The following LRRC74A variants were observed in gnomAD, a reference collection of about 807,000 sequenced individuals.
LRRC74A encodes the protein leucine rich repeat containing 74A, also known as leucine-rich repeat-containing protein 74A.
Under a neutral mutation model 57.9 loss-of-function variants are expected in LRRC74A, and 44 were observed. The ratio of observed to expected loss-of-function variants is 0.76; its 90% CI spans 0.60 to 0.98. The LOEUF (loss-of-function observed/expected upper bound fraction) is 0.98, where lower values mean the gene tolerates loss of function less well. LRRC74A is among the 50% of genes least tolerant of loss of function. The pLI is 0.00. For missense variants in LRRC74A, 572 were observed against 574.0 expected, an observed-to-expected ratio of 1.00 and a Z score of 0.04; for synonymous variants, 211 against 219.4, an observed-to-expected ratio of 0.96 and a Z score of 0.34.
chr14:76,869,895 G>A (rs1010182433), intron 13 of LRRC74A, among the ~76,000 whole-genome samples: 1 of 152,138 alleles, frequency 6.6e-6, no homozygotes, highest in Non-Finnish European at 1.5e-5. Flanking sequence ...ACGATCTTAG[G>A]TGCACATGTG....
chr14:76,845,999 CAGA>C (rs1440391214), intron 7 of LRRC74A, among the ~76,000 whole-genome samples: 1 of 152,196 alleles, frequency 6.6e-6, no homozygotes, highest in Non-Finnish European at 1.5e-5. Flanking sequence ...GCCTGGGCAA[CAGA>C]AGGAGACTCC....
chr14:76,864,423 GT>G (rs1442069174), intron 11 of LRRC74A, among the ~76,000 whole-genome samples: 1,748 of 20,624 alleles, frequency 0.085, 4 homozygotes, highest in Middle Eastern at 0.16. Context: ...GGGGGGGGGG[GT>G]GGCGGGGGGA....
rs1450985395 is a variant in LRRC74A at position 76,828,931 on chromosome 14, C to T, written c.166+512C>T. ...CCAGGCCCCTGGAGTGTTTCTGTGG[C>T]CTATCTTGCATCCCAGTGACTTTCC... On this transcript the variant is annotated intron_variant, in intron 2 of 13. Coordinates refer to ENST00000689127, the MANE Select transcript of LRRC74A (RefSeq NM_001385106.1). 3.6e-6 allele frequency: 3 copies of T among 824,854 alleles called. No individual in the cohort carries two copies. In the Admixed American group the frequency reaches 1.9e-4, roughly 51 times the overall value. The allele number at this position is 824,854 out of a possible 1,614,324, so 51.1% of individuals were successfully genotyped here.
In LRRC74A at chr14:76,844,482, A is replaced by T; in HGVS notation, c.594+10A>T. Reference sequence around the variant, plus strand: ...CTGCCAAGCCCTGTCGGTAAGAGGCAGGGAGTGCAGCCAAGCCACGTGGGC... The same window carrying T: ...CTGCCAAGCCCTGTCGGTAAGAGGCTGGGAGTGCAGCCAAGCCACGTGGGC... On this transcript the variant is annotated intron_variant, in intron 6 of 13. Coordinates refer to ENST00000689127, the MANE Select transcript of LRRC74A (RefSeq NM_001385106.1). 1 of 1,610,908 alleles carries T rather than the reference A, an allele frequency of 6.2e-7. No homozygotes were observed. The highest frequency in any genetic ancestry group is 8.5e-7 in the Non-Finnish European group (1 of 1,178,812).
At chr14:76,862,468 C>T (rs983255508) in intron 11 of LRRC74A, among the ~76,000 whole-genome samples, 2 of 151,514 alleles carry the variant, frequency 1.3e-5, no homozygotes, top group African/African-American at 2.4e-5. Context: ...ACCCAGGAGG[C>T]GGAGGCTGCA....
At chr14:76,869,383 G>C (rs1899241868) in intron 13 of LRRC74A, among the ~76,000 whole-genome samples, 1 of 152,202 alleles carries the variant, frequency 6.6e-6, no homozygotes, top group Non-Finnish European at 1.5e-5. Flanking sequence ...TGTGATTGAA[G>C]AGCAGAGTTT....
At chr14:76,839,329 C>T (rs1896588710) in intron 5 of LRRC74A, among the ~76,000 whole-genome samples, 1 of 152,126 alleles carries the variant, frequency 6.6e-6, no homozygotes, top group South Asian at 2.1e-4. Context: ...CTATACCATC[C>T]CCAGAAGGGA....
At position 76,868,227 on chromosome 14, in the gene LRRC74A, C is replaced by A. The variant is rs1899109757; in HGVS notation, c.1391+789C>A. Among the ~76,000 whole-genome samples the A allele has an allele frequency of 2.0e-5, 3 of 152,172 alleles. No individual in the cohort carries two copies. The South Asian group carries it at 6.2e-4, about 32-fold the overall frequency. On this transcript the variant is annotated intron_variant, in intron 13 of 13. Transcript: ENST00000689127. ...CCTATAATCCCAGCACTTTGGGAGGCTGAAACAGGAGGATCACTTGAGCCC... is the reference window on the plus strand; with the variant it reads ...CCTATAATCCCAGCACTTTGGGAGGATGAAACAGGAGGATCACTTGAGCCC...
rs535185573 is a variant in LRRC74A at position 76,831,100 on chromosome 14, C to T, written c.167-103C>T. On this transcript the variant is annotated intron_variant, in intron 2 of 13. Transcript: ENST00000689127. ...GCACATACCCACAGGGAGAGATCCT[C>T]TGGCAGAGGACAGTCTAGACATGAG... is the stretch of plus-strand genomic sequence containing the variant. The T allele has an allele frequency of 2.3e-5, 28 of 1,202,900 alleles. No homozygotes were observed. The East Asian group carries it at 6.2e-4, about 27-fold the overall frequency. The allele number at this position is 1,202,900 out of a possible 1,614,324, so 74.5% of individuals were successfully genotyped here.
intron 9 of LRRC74A, among the ~76,000 whole-genome samples, chr14:76,855,001 T>C (rs1897782636): frequency 6.6e-6 from 1 of 152,112 alleles, no homozygotes; most frequent in Non-Finnish European, 1.5e-5. Context: ...CTGTACGTGG[T>C]TTTCCATGGC....
intron 1 of LRRC74A, among the ~76,000 whole-genome samples, chr14:76,827,404 C>T (rs1295504167): frequency 6.6e-6 from 1 of 152,180 alleles, no homozygotes; most frequent in African/African-American, 2.4e-5. Flanking sequence ...GCTCAGCCCA[C>T]CCAATGAGTA....
intron 7 of LRRC74A, among the ~76,000 whole-genome samples, chr14:76,846,982 G>A (rs1897152093): frequency 6.6e-6 from 1 of 152,196 alleles, no homozygotes; most frequent in African/African-American, 2.4e-5. Context: ...GTCAGGGAGT[G>A]TAGACAGAGT....
At chr14:76,830,128 A>G (rs1895870105) in intron 2 of LRRC74A, among the ~76,000 whole-genome samples, 1 of 152,238 alleles carries the variant, frequency 6.6e-6, no homozygotes, top group Non-Finnish European at 1.5e-5. Flanking sequence ...GCGCTGCTGT[A>G]CAAGCGTCCC....
rs1221019610 is a variant in LRRC74A, at chr14:76,860,664, A to G, written c.1054-29A>G. ...CAGGCACGATGGCAGTGCCCTCATC[A>G]TCATGGGTCCCCTCTCTCCCTGTCA... On this transcript the variant is annotated intron_variant, in intron 10 of 13. Transcript: ENST00000689127. 3 of 1,578,312 alleles carry G rather than the reference A, an allele frequency of 1.9e-6. No individual in the cohort carries two copies. In the South Asian group the frequency reaches 3.5e-5, roughly 18 times the overall value.
intron 2 of LRRC74A, 151 bp downstream of exon 2, chr14:76,828,570 G>T (rs773555405): frequency 1.6e-6 from 2 of 1,218,138 alleles, no homozygotes; most frequent in Admixed American, 3.8e-5. Flanking sequence ...GCTCGATTTT[G>T]CCTGGAGTCC....
At chr14:76,836,838 G>A (rs1896383537) in intron 4 of LRRC74A, among the ~76,000 whole-genome samples, 1 of 144,770 alleles carries the variant, frequency 6.9e-6, no homozygotes, top group African/African-American at 2.6e-5. Flanking sequence ...GACCTTAGAA[G>A]CCCTTAAAAA....
At chr14:76,829,980 G>T (rs1895858292) in intron 2 of LRRC74A, among the ~76,000 whole-genome samples, 1 of 152,154 alleles carries the variant, frequency 6.6e-6, no homozygotes, top group Admixed American at 6.5e-5. Flanking sequence ...GGGACATTGG[G>T]CAAACTAGGG....
chr14:76,846,850 T>G (rs1897145380), intron 7 of LRRC74A, among the ~76,000 whole-genome samples: 1 of 152,062 alleles, frequency 6.6e-6, no homozygotes, highest in Non-Finnish European at 1.5e-5. Context: ...CATAGAGAAG[T>G]CAGGTAGATG....
chr14:76,866,007 T>C lies in LRRC74A; in HGVS notation c.1240T>C (p.Phe414Leu), dbSNP rs1432677238. Residue 414 changes from phenylalanine (F) to leucine (L), a missense_variant, in exon 12 of 14, where the codon TTC becomes CTC. By Grantham distance (22) the Phe-to-Leu change is conservative. Coordinates refer to ENST00000689127, the MANE Select transcript of LRRC74A (RefSeq NM_001385106.1). Reference sequence around the variant, plus strand: ...ACACAAAATCACGATCGTGGACTTCTTCAAGAGCTTGAACCCCACTGGGAC... The same window carrying C: ...ACACAAAATCACGATCGTGGACTTCCTCAAGAGCTTGAACCCCACTGGGAC... Reference protein sequence around the residue: ...DQHKITIVDFFKSLNPTGTMK... With the variant: ...DQHKITIVDFLKSLNPTGTMK... 1 of 1,603,550 alleles carries C rather than the reference T, an allele frequency of 6.2e-7. No homozygotes were observed. Among genetic ancestry groups the C allele is most frequent in the Non-Finnish European group, 8.5e-7 (1 of 1,171,920 alleles).
Sources: gnomAD v4.1 joint callset for allele counts (sites outside exome capture counted in the v4.1 genomes callset) on GRCh38, gnomAD v4.1.1 for gene constraint, MANE v1.5 for transcripts, NCBI Gene and HGNC (gene_info 2026-07-23, HGNC 2026-07-21) for gene names.